Variants in AHCYL2 observed in about 807,000 individuals in gnomAD.
AHCYL2 encodes S-adenosylhomocysteine hydrolase-like protein 2.
In AHCYL2, 28 loss-of-function variants were observed where a neutral mutation model predicts 81.4. The observed-to-expected ratio is 0.34, with a 90% confidence interval of 0.25 to 0.47. The LOEUF (loss-of-function observed/expected upper bound fraction) is 0.47. Ranked by LOEUF, AHCYL2 falls within the 20% of genes least tolerant of loss-of-function variation. The pLI is 1.00. For missense variants in AHCYL2, 551 were observed against 785.1 expected (o/e 0.70, Z 3.56); for synonymous variants, 272 against 290.2 (o/e 0.94, Z 0.64).
At chr7:129,293,163 A>G (rs780240406) in intron 1 of AHCYL2, among the ~76,000 whole-genome samples, 36 of 151,500 alleles carry the variant, frequency 2.4e-4, no homozygotes, top group South Asian at 4.2e-4. Flanking sequence ...TTTTTTTGGT[A>G]TCTTTCAAAG....
chr7:129,247,612 T>C (rs536972021), intron 1 of AHCYL2, among the ~76,000 whole-genome samples: 1,614 of 151,608 alleles, frequency 0.011, 26 homozygotes, highest in African/African-American at 0.037. Flanking sequence ...ACTTTTTTTT[T>C]CCCCCCAAGA....
intron 1 of AHCYL2, among the ~76,000 whole-genome samples, chr7:129,358,390 TCA>T (rs200562779): frequency 2.0e-5 from 3 of 150,664 alleles, no homozygotes; most frequent in Admixed American, 6.6e-5. Flanking sequence ...AGACTCCGTC[TCA>T]CACACACACA....
chr7:129,292,544 A>T (rs2150752468), intron 1 of AHCYL2, among the ~76,000 whole-genome samples: 1 of 152,332 alleles, frequency 6.6e-6, no homozygotes, highest in Middle Eastern at 3.4e-3. Context: ...AGACAGGCAG[A>T]TCACCTGAGG....
At chr7:129,397,813 T>G (rs946046321) in intron 5 of AHCYL2, among the ~76,000 whole-genome samples, 6 of 152,218 alleles carry the variant, frequency 3.9e-5, no homozygotes, top group African/African-American at 1.4e-4. Flanking sequence ...ATAGAGAAAT[T>G]TGGACTTTGC....
intron 1 of AHCYL2, among the ~76,000 whole-genome samples, chr7:129,250,417 T>G (rs530097683): frequency 6.6e-6 from 1 of 152,160 alleles, no homozygotes; most frequent in East Asian, 1.9e-4. Context: ...TTTAATAAAC[T>G]TGTGTATTTA....
In AHCYL2 at chr7:129,396,830, C is replaced by T. The variant is rs116638162; in HGVS notation, c.721-392C>T. Among the ~76,000 whole-genome samples the T allele has an allele frequency of 2.2e-3, 338 of 152,320 alleles. 1 individual carries two copies. The highest frequency in any genetic ancestry group is 7.9e-3 in the African/African-American group (329 of 41,562). On this transcript the variant is annotated intron_variant, in intron 4 of 16. Transcript: ENST00000325006. ...CATCTCCCAGGCTCAAGCAGTCCTC[C>T]CACCTCAGCCTTCCTAGTAGCTACC...
chr7:129,375,751 C>T, intron 1 of AHCYL2: 15 of 1,493,404 alleles, frequency 1.0e-5, no homozygotes, highest in Non-Finnish European at 1.2e-5. Context: ...TCCCCCACTC[C>T]CCAGCCCAAA....
intron 1 of AHCYL2, among the ~76,000 whole-genome samples, chr7:129,349,008 C>T (rs768369748): frequency 2.6e-5 from 4 of 152,262 alleles, no homozygotes; most frequent in East Asian, 1.9e-4. Flanking sequence ...GCTGTCAGAT[C>T]GTTTTCTCTT....
At chr7:129,256,535 GCCCCCCACCCCCCA>G (rs1795428187) in intron 1 of AHCYL2, among the ~76,000 whole-genome samples, 1 of 55,524 alleles carries the variant, frequency 1.8e-5, no homozygotes, top group African/African-American at 7.8e-5. Flanking sequence ...CTTGCTTCCC[GCCCCCCACCCCCCA>G]CCCCCCCCCC....
chr7:129,353,351 TTC>T (rs940233875), intron 1 of AHCYL2, among the ~76,000 whole-genome samples: 1 of 152,136 alleles, frequency 6.6e-6, no homozygotes, highest in African/African-American at 2.4e-5. Context: ...GCCAAGTTCT[TTC>T]TTACATCAGG....
At chr7:129,317,879 G>A (rs1257913341) in intron 1 of AHCYL2, among the ~76,000 whole-genome samples, 1 of 152,134 alleles carries the variant, frequency 6.6e-6, no homozygotes, top group Non-Finnish European at 1.5e-5. Flanking sequence ...AGAAATAAAA[G>A]TAGAAACTCA....
rs747956716 is a variant in AHCYL2, at chr7:129,397,215, A to C, written c.721-7A>C. Reference sequence around the variant, plus strand: ...CTTGCTCATACCCTGCTTTGTCTTTAATACAGGTGCTTATGGAAACTCTGG... The same window carrying C: ...CTTGCTCATACCCTGCTTTGTCTTTCATACAGGTGCTTATGGAAACTCTGG... On this transcript the variant is annotated splice_polypyrimidine_tract_variant and splice_region_variant and intron_variant, in intron 4 of 16. Coordinates refer to ENST00000325006, the MANE Select transcript of AHCYL2 (RefSeq NM_015328.4). 2 of 1,612,846 alleles carry C rather than the reference A, an allele frequency of 1.2e-6. No homozygotes were observed. The highest frequency in any genetic ancestry group is 1.7e-6 in the Non-Finnish European group (2 of 1,179,588).
intron 1 of AHCYL2, among the ~76,000 whole-genome samples, chr7:129,325,046 A>T (rs999069342): frequency 3.3e-5 from 5 of 152,124 alleles, no homozygotes; most frequent in South Asian, 2.1e-4. Flanking sequence ...CTTTTTATTT[A>T]TTTTTTTATA....
intron 1 of AHCYL2, among the ~76,000 whole-genome samples, chr7:129,365,720 T>C (rs1315635295): frequency 6.7e-6 from 1 of 149,408 alleles, no homozygotes; most frequent in Non-Finnish European, 1.5e-5. Flanking sequence ...CAGAAAGGGA[T>C]AGATGAAAGG....
At chr7:129,374,925 G>A (rs934060753) in intron 1 of AHCYL2, among the ~76,000 whole-genome samples, 7 of 149,086 alleles carry the variant, frequency 4.7e-5, no homozygotes, top group Admixed American at 4.0e-4. Context: ...CTCTGTAGCA[G>A]ACAGTTGAGT....
chr7:129,397,332 C>T lies in AHCYL2; in HGVS notation c.823+8C>T. 4 of 1,613,090 alleles carry T rather than the reference C, an allele frequency of 2.5e-6. No individual in the cohort carries two copies. In the South Asian group the frequency reaches 4.4e-5, roughly 18 times the overall value. The stretch of plus-strand genomic sequence containing the variant: ...CTGCTCTAGCAGAAAGTGGTAAGAG[C>T]TTATTCTCTGTGCCTTTGGCTAAAG... On this transcript the variant is annotated splice_region_variant and intron_variant, in intron 5 of 16. Transcript: ENST00000325006.
At chr7:129,326,238 A>G (rs1002004261) in intron 1 of AHCYL2, among the ~76,000 whole-genome samples, 6 of 152,056 alleles carry the variant, frequency 3.9e-5, no homozygotes, top group Non-Finnish European at 7.4e-5. Flanking sequence ...AAAAACAAAA[A>G]ACTCCTGGCT....
chr7:129,299,292 A>C (rs1797164251), intron 1 of AHCYL2, among the ~76,000 whole-genome samples: 2 of 149,662 alleles, frequency 1.3e-5, no homozygotes, highest in South Asian at 4.2e-4. Flanking sequence ...AAAAAAAAAA[A>C]ACAAAAAACT....
chr7:129,294,297 C>T (rs1347177023), intron 1 of AHCYL2, among the ~76,000 whole-genome samples: 4 of 152,120 alleles, frequency 2.6e-5, no homozygotes, highest in African/African-American at 9.7e-5. Context: ...ACGGAAGTGC[C>T]AGGAAAGTGT....
Sources: gnomAD v4.1 joint callset for allele counts (sites outside exome capture counted in the v4.1 genomes callset) on GRCh38, gnomAD v4.1.1 for gene constraint, MANE v1.5 for transcripts, NCBI Gene and HGNC (gene_info 2026-07-23, HGNC 2026-07-21) for gene names.